The following TMEM68 variants were observed in gnomAD, a reference collection of about 807,000 sequenced individuals.
The protein encoded by TMEM68 is transmembrane protein 68, also known as DGAT1/2-independent enzyme synthesizing storage lipids.
TMEM68 carries 25 observed loss-of-function variants against 36.9 expected under a neutral mutation model. The ratio of observed to expected loss-of-function variants is 0.68; its 90% CI spans 0.49 to 0.95. The LOEUF (loss-of-function observed/expected upper bound fraction) is 0.95. TMEM68 is among the 40% of genes least tolerant of loss of function. The pLI, the probability that TMEM68 is intolerant of heterozygous loss-of-function variation, is 0.00. For missense variants in TMEM68, 333 were observed against 392.0 expected (o/e 0.85, Z 1.27); for synonymous variants, 131 against 124.4 (o/e 1.05, Z -0.35).
intron 1 of TMEM68, among the ~76,000 whole-genome samples, chr8:55,769,376 G>A (rs556486591): frequency 6.1e-5 from 9 of 147,526 alleles, no homozygotes; most frequent in Admixed American, 5.5e-4. Flanking sequence ...CAATGTCAAC[G>A]ATAATTCATC....
Position 55,763,021 on chromosome 8 carries a change from T to C in TMEM68, c.-62A>G, listed in dbSNP as rs1810849371. 24 of 1,503,302 alleles carry C rather than the reference T, an allele frequency of 1.6e-5. No individual in the cohort carries two copies. Among genetic ancestry groups the C allele is most frequent in the Non-Finnish European group, 2.1e-5 (24 of 1,126,150 alleles). 93.1% of individuals were successfully genotyped at this position (1,503,302 alleles called of 1,614,324 possible). A position where few individuals can be genotyped will look rare whatever the true frequency, so the allele number is the denominator to read the frequency against. The stretch of plus-strand genomic sequence containing the variant: ...CTTCATTGCCATAGCAGGTCGCTAA[T>C]TTTGACACTAGAAGGGAAAAATAAT... On this transcript the variant is annotated 5_prime_UTR_variant, in exon 3 of 8. Transcript: ENST00000434581.
intron 7 of TMEM68, among the ~76,000 whole-genome samples, chr8:55,742,022 C>T (rs141277904): frequency 0.014 from 2,069 of 152,208 alleles, 30 homozygotes; most frequent in Non-Finnish European, 0.021. Flanking sequence ...CACCACTGCA[C>T]TGCAGCCAGG....
At chr8:55,758,621 C>T (rs1038542857) in intron 3 of TMEM68, among the ~76,000 whole-genome samples, 2 of 151,946 alleles carry the variant, frequency 1.3e-5, no homozygotes, top group Non-Finnish European at 2.9e-5. Context: ...GCCTGGGCAA[C>T]ATGGCAAGAC....
intron 3 of TMEM68, 193 bp downstream of exon 3, chr8:55,762,442 A>G (rs1260095704): frequency 1.5e-5 from 17 of 1,121,498 alleles, no homozygotes; most frequent in Admixed American, 3.1e-5. Flanking sequence ...ATGGAAACCA[A>G]CGTCTATGGG....
Position 55,751,122 on chromosome 8 carries a change from G to A in TMEM68, c.529C>T (p.His177Tyr), listed in dbSNP as rs371865546. ...SLLLDVFCAL[H>Y]GPREKCVEIL... is the part of the protein sequence containing the mutation. ...TCAACACATTTTTCTCTTGGTCCAT[G>A]TAGAGCACAAAACACATCCAGTAAT... The change falls in exon 5 of 8, where the codon CAT becomes TAT. Residue 177 changes from histidine (H) to tyrosine (Y), a missense_variant. Transcript: ENST00000434581. 1.9e-6 allele frequency: 3 copies of A among 1,612,700 alleles called. No homozygotes were observed. Among genetic ancestry groups the A allele is most frequent in the Non-Finnish European group, 2.5e-6 (3 of 1,179,784 alleles).
In TMEM68 at chr8:55,750,469, G is replaced by A. The variant is rs557886536; in HGVS notation, c.687+495C>T. Among the ~76,000 whole-genome samples, 3 of 151,406 alleles carry A rather than the reference G, an allele frequency of 2.0e-5. No homozygotes were observed. In the East Asian group the frequency reaches 5.8e-4, roughly 29 times the overall value. On this transcript the variant is annotated intron_variant, in intron 5 of 7. Transcript: ENST00000434581. ...TGTTTCATAGGCTAAAGTACAATAT[G>A]GAGACCAAAAGGCTGAGAAATACTT...
intron 1 of TMEM68, among the ~76,000 whole-genome samples, chr8:55,765,432 C>T (rs1156382078): frequency 6.6e-6 from 1 of 152,144 alleles, no homozygotes; most frequent in Non-Finnish European, 1.5e-5. Flanking sequence ...CCTGTGCCTC[C>T]GTTTGCTAAA....
intron 1 of TMEM68, among the ~76,000 whole-genome samples, chr8:55,768,938 C>A (rs1811059475): frequency 6.7e-6 from 1 of 149,338 alleles, no homozygotes; most frequent in Non-Finnish European, 1.5e-5. Context: ...ATCACTTGAG[C>A]CTGGGAGGTA....
rs1395747734 is a variant in TMEM68, at chr8:55,756,244, C to G, written c.493G>C (p.Gly165Arg). The G allele has an allele frequency of 6.3e-7, 1 of 1,592,916 alleles. No homozygotes were observed. The highest frequency in any genetic ancestry group is 1.9e-5 in the Admixed American group (1 of 52,898). The change falls in exon 4 of 8, where the codon GGG becomes CGG. Residue 165 changes from glycine to arginine, a missense_variant and splice_region_variant. Physicochemically the swap from Gly to Arg is moderately radical, Grantham distance 125. Transcript: ENST00000434581. ...ATTACTATCTACAGTGAAAGTTTACCTGGAATTTTAAAGACAAAGTGATCA... is the reference window on the plus strand; with the variant it reads ...ATTACTATCTACAGTGAAAGTTTACGTGGAATTTTAAAGACAAAGTGATCA... ...VADHFVFKIP[G>R]FSLLLDVFCA... is the part of the protein sequence containing the mutation.
intron 5 of TMEM68, among the ~76,000 whole-genome samples, chr8:55,749,200 G>T (rs1431675376): frequency 3.9e-5 from 6 of 152,146 alleles, no homozygotes; most frequent in African/African-American, 1.4e-4. Context: ...TACCAAAGTT[G>T]TAAGTCTCAA....
Position 55,756,395 on chromosome 8 carries a change from T to G in TMEM68, c.342A>C (p.Gly114=), listed in dbSNP as rs976403641. ...AAVWHGYEVH[G]MEKIPEDGPA... is the part of the protein sequence containing the mutation. Reference sequence around the variant, plus strand: ...GTCCATCTTCTGGTATTTTTTCCATTCCATGAACTTCATAACCTGTTTGAA... The same window carrying G: ...GTCCATCTTCTGGTATTTTTTCCATGCCATGAACTTCATAACCTGTTTGAA... The change falls in exon 4 of 8, where the codon GGA becomes GGC. Residue 114 remains glycine, a synonymous_variant. Coordinates refer to ENST00000434581, the MANE Select transcript of TMEM68 (RefSeq NM_001286657.2). The G allele has an allele frequency of 7.6e-6, 12 of 1,581,460 alleles. No homozygotes were observed. Among genetic ancestry groups the G allele is most frequent in the Admixed American group, 2.0e-5 (1 of 51,118 alleles).
rs1810551347 is a variant in TMEM68 at position 55,754,894 on chromosome 8, A to G, written c.493+1350T>C. On this transcript the variant is annotated intron_variant, in intron 4 of 7. Transcript: ENST00000434581. ...TATAGTATATATTTATATTATATAT[A>G]AAATACATATATTATATATTATATA... 2.2e-5 allele frequency among the ~76,000 whole-genome samples: 3 copies of G among 135,718 alleles called. No homozygotes were observed. The South Asian group carries it at 6.3e-4, about 29-fold the overall frequency. The allele number at this position is 135,718 out of a possible 152,430, so 89.0% of individuals were successfully genotyped here. A position where few individuals can be genotyped will look rare whatever the true frequency, so the allele number is the denominator to read the frequency against.
At chr8:55,750,628 C>T (rs1318243291) in intron 5 of TMEM68, among the ~76,000 whole-genome samples, 1 of 149,428 alleles carries the variant, frequency 6.7e-6, no homozygotes, top group East Asian at 2.1e-4. Context: ...CAACCACTAC[C>T]TCCTGGGTTC....
intron 5 of TMEM68, 161 bp downstream of exon 5, chr8:55,750,803 G>A: frequency 3.1e-6 from 2 of 638,950 alleles, no homozygotes; most frequent in Non-Finnish European, 5.1e-6. Flanking sequence ...CTCCCAAAGT[G>A]CTGAGATTAC....
intron 4 of TMEM68, among the ~76,000 whole-genome samples, chr8:55,755,912 T>C (rs535524367): frequency 6.6e-6 from 1 of 151,822 alleles, no homozygotes; most frequent in East Asian, 1.9e-4. Context: ...TATATAAAAA[T>C]ATATTTTTTT....
intron 3 of TMEM68, chr8:55,761,274 C>T (rs1353071312): frequency 6.6e-6 from 1 of 152,192 alleles, no homozygotes. Context: ...AGTGACATTA[C>T]ATTATTTCAT....
intron 2 of TMEM68, 87 bp from the exon 3 acceptor site, chr8:55,763,115 T>TATACCCAAATGAG (rs1310438117): frequency 1.4e-6 from 1 of 697,600 alleles, no homozygotes; most frequent in Admixed American, 3.7e-5. Context: ...ATAGAGTCAT[T>TATACCCAAATGAG]TCTTAATACC....
intron 1 of TMEM68, among the ~76,000 whole-genome samples, chr8:55,769,024 A>AAAAC (rs1811066173): frequency 6.9e-6 from 1 of 145,900 alleles, no homozygotes; most frequent in Non-Finnish European, 1.5e-5. Flanking sequence ...TCTTTAAAAA[A>AAAAC]AAAAAAAAAA....
intron 7 of TMEM68, among the ~76,000 whole-genome samples, chr8:55,741,667 G>A (rs1201112924): frequency 6.6e-6 from 1 of 152,082 alleles, no homozygotes; most frequent in Admixed American, 6.6e-5. Context: ...GGTCTCCAGG[G>A]ACCCATAATA....
Sources: gnomAD v4.1 joint callset for allele counts (sites outside exome capture counted in the v4.1 genomes callset) on GRCh38, gnomAD v4.1.1 for gene constraint, MANE v1.5 for transcripts, NCBI Gene and HGNC (gene_info 2026-07-23, HGNC 2026-07-21) for gene names.